The following SORBS2 variants were observed in gnomAD, a reference collection of about 807,000 sequenced individuals.
SORBS2 encodes sorbin and SH3 domain containing 2.
In SORBS2, 46 loss-of-function variants were observed where a neutral mutation model predicts 97.7. The observed-to-expected ratio is 0.47, with a 90% confidence interval of 0.37 to 0.60. The LOEUF (loss-of-function observed/expected upper bound fraction) is 0.60. Ranked by LOEUF, SORBS2 falls within the 20% of genes least tolerant of loss-of-function variation. SORBS2 has a pLI of 0.00. For missense variants in SORBS2, 1,316 were observed against 1,282.3 expected (o/e 1.03, Z -0.40); for synonymous variants, 476 against 473.4 (o/e 1.01, Z -0.07).
chr4:185,825,223 T>TA (rs35911388), intron 1 of SORBS2, among the ~76,000 whole-genome samples: 40 of 151,766 alleles, frequency 2.6e-4, no homozygotes, highest in Middle Eastern at 3.4e-3. Flanking sequence ...TTTTTTTTTT[T>TA]ACTGTACTGA....
At chr4:185,826,470 A>G (rs891398942) in intron 1 of SORBS2, among the ~76,000 whole-genome samples, 1 of 152,184 alleles carries the variant, frequency 6.6e-6, no homozygotes, top group Non-Finnish European at 1.5e-5. Context: ...TGCCCTGTGC[A>G]TTATTCATAA....
intron 2 of SORBS2, among the ~76,000 whole-genome samples, chr4:185,742,546 C>CCAGGGCATTT (rs1300793539): frequency 6.6e-6 from 1 of 152,194 alleles, no homozygotes. Flanking sequence ...ATTTTCCATT[C>CCAGGGCATTT]CAGGGCATTT....
intron 2 of SORBS2, among the ~76,000 whole-genome samples, chr4:185,701,968 AC>A (rs2098269371): frequency 6.6e-6 from 1 of 152,024 alleles, no homozygotes; most frequent in Non-Finnish European, 1.5e-5. Context: ...ACGGGGTTTC[AC>A]CATGTTGGCC....
chr4:185,623,372 G>A lies in SORBS2; in HGVS notation c.1757C>T (p.Thr586Ile), dbSNP rs1293984341. Residue 586 changes from threonine to isoleucine, a missense_variant, in exon 7 of 15, where the codon ACC (threonine) becomes ATC (isoleucine). Thr to Ile is a moderately conservative substitution (Grantham distance 89). Coordinates refer to ENST00000418609, the Ensembl canonical transcript of SORBS2. This position sits in a 1 kb window ranked among gnomAD's most constrained non-coding sequence, Gnocchi z 6.4. ...CATTTCTTGCCTTCTGGGCTCCTCG[G>A]TGTTTTCGTGTCTGGCTCTTTCGTG... 6.2e-7 allele frequency: 1 copy of A among 1,613,260 alleles called. No individual in the cohort carries two copies. Among genetic ancestry groups the A allele is most frequent in the Non-Finnish European group, 8.5e-7 (1 of 1,180,012 alleles).
intron 2 of SORBS2, among the ~76,000 whole-genome samples, chr4:185,650,267 A>G (rs1441650543): frequency 1.3e-5 from 2 of 152,250 alleles, no homozygotes; most frequent in African/African-American, 4.8e-5. Context: ...AAGAAAACAC[A>G]TAGTAAGAAT....
intron 1 of SORBS2, among the ~76,000 whole-genome samples, chr4:185,909,985 G>GAA (rs142443290): frequency 1.8e-5 from 2 of 112,662 alleles, no homozygotes; most frequent in Non-Finnish European, 3.6e-5. Flanking sequence ...CTCCATCTCA[G>GAA]AAAAAAAAAA....
At chr4:185,676,980 T>C (rs1452911953) in intron 4 of SORBS2, 1 of 1,547,468 alleles carries the variant, frequency 6.5e-7, no homozygotes, top group Non-Finnish European at 8.7e-7. Context: ...ACGAAGAGAC[T>C]GAGAAGCTTA....
intron 1 of SORBS2, among the ~76,000 whole-genome samples, chr4:185,946,591 A>G (rs1482244843): frequency 6.6e-6 from 1 of 152,206 alleles, no homozygotes; most frequent in Non-Finnish European, 1.5e-5. Flanking sequence ...AAACATCAGC[A>G]AAGGAAATAC....
At chr4:185,932,975 T>C (rs1398341565) in intron 1 of SORBS2, 1 of 152,260 alleles carries the variant, frequency 6.6e-6, no homozygotes, top group Non-Finnish European at 1.5e-5. Flanking sequence ...TGATTCAAAA[T>C]GCTTCTCCTA....
At chr4:185,745,763 C>A (rs889243356) in intron 2 of SORBS2, among the ~76,000 whole-genome samples, 1 of 152,152 alleles carries the variant, frequency 6.6e-6, no homozygotes. Flanking sequence ...AGCCTATCTA[C>A]CCCCTCCCCC....
chr4:185,817,857 C>T (rs1002299705), intron 1 of SORBS2, among the ~76,000 whole-genome samples: 2 of 152,178 alleles, frequency 1.3e-5, no homozygotes, highest in African/African-American at 4.8e-5. Context: ...TAGAGGGTCA[C>T]CTTGTGTCTT....
chr4:185,945,426 T>G (rs1551436), intron 1 of SORBS2, among the ~76,000 whole-genome samples: 136,739 of 152,230 alleles, frequency 0.9, 61,474 homozygotes, highest in East Asian at 0.94. Context: ...AGGTCAAGGG[T>G]AGGCACATTT....
chr4:185,937,944 C>T (rs1249460883), intron 1 of SORBS2, among the ~76,000 whole-genome samples: 1 of 152,078 alleles, frequency 6.6e-6, no homozygotes, highest in East Asian at 1.9e-4. Flanking sequence ...TAGCAGCTCA[C>T]ACCACTACTG....
rs192382055 is a variant in SORBS2, at chr4:185,823,131, A to G, written c.-337-47765T>C. 2.3e-4 allele frequency among the ~76,000 whole-genome samples: 35 copies of G among 152,290 alleles called. No individual in the cohort carries two copies. The East Asian group carries it at 2.9e-3, about 13-fold the overall frequency. ...CCCTGCCCGCTCCTTTCCTCTTGCAACAAGTGGATTCAGTGATGTGACCAT... is the reference window on the plus strand; with the variant it reads ...CCCTGCCCGCTCCTTTCCTCTTGCAGCAAGTGGATTCAGTGATGTGACCAT... On this transcript the variant is annotated intron_variant, in intron 1 of 20. Transcript: ENST00000284776.
chr4:185,671,348 T>C (rs1160853919), intron 4 of SORBS2, among the ~76,000 whole-genome samples: 1 of 152,160 alleles, frequency 6.6e-6, no homozygotes, highest in Admixed American at 6.5e-5. Context: ...AAGAACATTA[T>C]CAAAATATGG....
chr4:185,921,624 C>T (rs539923202), intron 1 of SORBS2, among the ~76,000 whole-genome samples: 24 of 152,202 alleles, frequency 1.6e-4, no homozygotes, highest in Admixed American at 3.9e-4. Flanking sequence ...CAAAGAAGGA[C>T]GAAGTAGAAA....
chr4:185,597,461 C>T (rs1024579335), intron 12 of SORBS2, among the ~76,000 whole-genome samples: 4 of 152,116 alleles, frequency 2.6e-5, no homozygotes, highest in Admixed American at 1.3e-4. Context: ...CTCCATTTTG[C>T]AGAATGGTAA....
At chr4:185,908,239 A>G (rs1561289176) in intron 1 of SORBS2, among the ~76,000 whole-genome samples, 1 of 134,274 alleles carries the variant, frequency 7.4e-6, no homozygotes. Context: ...TAGATAAATT[A>G]TGGTCTGAAA....
intron 13 of SORBS2, among the ~76,000 whole-genome samples, chr4:185,591,588 A>G (rs1352976360): frequency 3.3e-5 from 5 of 152,192 alleles, no homozygotes; most frequent in African/African-American, 1.2e-4. Context: ...CTGTGGGGAA[A>G]GTTCACGGTC....
Sources: allele counts gnomAD v4.1 joint callset (sites outside exome capture counted in the v4.1 genomes callset), GRCh38; gene constraint gnomAD v4.1.1; non-coding constraint Gnocchi (gnomAD v3.1); transcripts MANE v1.5; gene names NCBI Gene and HGNC (gene_info 2026-07-23, HGNC 2026-07-21).